Variants in PXDNL observed in about 807,000 individuals in gnomAD.
PXDNL encodes peroxidasin like, also known as probable oxidoreductase PXDNL.
A neutral mutation model predicts 150.8 loss-of-function variants in PXDNL; 145 were observed. The ratio of observed to expected loss-of-function variants is 0.96; its 90% CI spans 0.84 to 1.10. The LOEUF is 1.10. Ranked by LOEUF, PXDNL falls within the 50% of genes least tolerant of loss-of-function variation. The pLI, the probability that PXDNL is intolerant of heterozygous loss-of-function variation, is 0.00. For synonymous variants in PXDNL, 757 were observed against 725.7 expected (o/e 1.04, Z -0.69); for missense variants, 2,087 against 1,873.9 (o/e 1.11, Z -2.10).
At chr8:51,440,077 A>G (rs1468522001) in intron 12 of PXDNL, among the ~76,000 whole-genome samples, 1 of 151,952 alleles carries the variant, frequency 6.6e-6, no homozygotes, top group East Asian at 1.9e-4. Flanking sequence ...ACACACACAC[A>G]CCATGGAATA....
chr8:51,640,799 A>C (rs1378900499), intron 2 of PXDNL, among the ~76,000 whole-genome samples: 29 of 152,232 alleles, frequency 1.9e-4, no homozygotes, highest in African/African-American at 7.0e-4. Context: ...TTATAGATTC[A>C]ATGCCATCCC....
At chr8:51,787,646 A>G (rs2037472525) in intron 1 of PXDNL, among the ~76,000 whole-genome samples, 1 of 152,266 alleles carries the variant, frequency 6.6e-6, no homozygotes, top group African/African-American at 2.4e-5. Flanking sequence ...CAAAGAAAGT[A>G]GTTTCTTAAA....
chr8:51,762,579 T>C (rs561144977), intron 1 of PXDNL, among the ~76,000 whole-genome samples: 2 of 152,340 alleles, frequency 1.3e-5, no homozygotes, highest in African/African-American at 2.4e-5. Context: ...ACTCAACTAA[T>C]TGTCAACCAG....
intron 21 of PXDNL, among the ~76,000 whole-genome samples, chr8:51,331,076 C>T (rs964281046): frequency 4.6e-5 from 7 of 152,270 alleles, no homozygotes; most frequent in African/African-American, 1.4e-4. Flanking sequence ...CCAGCAATCC[C>T]GAGAGGATCC....
chr8:51,548,978 G>A (rs1468459131), intron 4 of PXDNL, among the ~76,000 whole-genome samples: 1 of 152,084 alleles, frequency 6.6e-6, no homozygotes, highest in Admixed American at 6.5e-5. Context: ...GCAAAGGGAT[G>A]GGAAAAGGGA....
At chr8:51,642,594 G>A (rs1437590552) in intron 2 of PXDNL, among the ~76,000 whole-genome samples, 1 of 152,104 alleles carries the variant, frequency 6.6e-6, no homozygotes, top group African/African-American at 2.4e-5. Context: ...CACACTGAAT[G>A]GGCAAAAACT....
chr8:51,674,377 C>T (rs2130834205), intron 1 of PXDNL, among the ~76,000 whole-genome samples: 1 of 152,262 alleles, frequency 6.6e-6, no homozygotes, highest in East Asian at 1.9e-4. Flanking sequence ...GAAATAATGG[C>T]AAATTGACTG....
chr8:51,809,250 T>A lies in PXDNL; in HGVS notation c.95A>T (p.Lys32Met), dbSNP rs2037709512. 1 of 1,611,722 alleles carries A rather than the reference T, an allele frequency of 6.2e-7. No individual in the cohort carries two copies. Among genetic ancestry groups the A allele is most frequent in the African/African-American group, 1.3e-5 (1 of 75,006 alleles). The change falls in exon 1 of 23, where the codon AAG becomes ATG. Residue 32 changes from lysine to methionine, a missense_variant. By Grantham distance (95) the Lys-to-Met change is moderately conservative (BLOSUM62 -1). Transcript: ENST00000356297. ...LPCPSRCLCF[K>M]STVRCMHLML... ...CAAGTGCATGCAGCGGACGGTGCTC[T>A]TAAAGCAAAGGCACCGGCTGGGGCA...
At chr8:51,477,323 A>G (rs1365206265) in intron 6 of PXDNL, among the ~76,000 whole-genome samples, 1 of 152,204 alleles carries the variant, frequency 6.6e-6, no homozygotes, top group Non-Finnish European at 1.5e-5. Context: ...CCATACACAT[A>G]TTATTTGCTT....
At chr8:51,598,747 G>C (rs1378506063) in intron 2 of PXDNL, among the ~76,000 whole-genome samples, 2 of 152,116 alleles carry the variant, frequency 1.3e-5, no homozygotes, top group Non-Finnish European at 2.9e-5. Flanking sequence ...GGTGATGCTG[G>C]CTTCAGAGAA....
chr8:51,681,266 C>T (rs181357278), intron 1 of PXDNL, among the ~76,000 whole-genome samples: 3 of 152,232 alleles, frequency 2.0e-5, no homozygotes, highest in Non-Finnish European at 4.4e-5. Context: ...CCACCAGTCA[C>T]CCTACGGAAG....
chr8:51,677,801 A>G (rs568509059), intron 1 of PXDNL, among the ~76,000 whole-genome samples: 2 of 152,354 alleles, frequency 1.3e-5, no homozygotes, highest in African/African-American at 4.8e-5. Context: ...AAGCACACTA[A>G]TTTATTTATC....
At chr8:51,470,677 G>C (rs1810307662) in intron 8 of PXDNL, among the ~76,000 whole-genome samples, 1 of 151,996 alleles carries the variant, frequency 6.6e-6, no homozygotes, top group Non-Finnish European at 1.5e-5. Context: ...CGGAAATAGT[G>C]CCATACATCT....
intron 4 of PXDNL, among the ~76,000 whole-genome samples, chr8:51,514,864 A>C (rs1010646496): frequency 1.3e-5 from 2 of 152,332 alleles, no homozygotes; most frequent in Admixed American, 1.3e-4. Context: ...ATTTGAGACA[A>C]GCCAATGTCC....
chr8:51,409,483 G>T lies in PXDNL; in HGVS notation c.2141C>A (p.Pro714His). The change falls in exon 17 of 23, where the codon CCT becomes CAT. Residue 714 changes from proline (P) to histidine (H), a missense_variant. Pro to His is a moderately conservative substitution (Grantham distance 77, BLOSUM62 -2). Transcript: ENST00000356297. Reference protein sequence around the residue: ...ANLSGCTARRPLPNCSNRCFH... With the variant: ...ANLSGCTARRHLPNCSNRCFH... ...ACACCGGTTGGAGCAGTTTGGCAGA[G>T]GCCTGCGAGCTGTGCATCCAGATAA... 1 of 1,612,528 alleles carries T rather than the reference G, an allele frequency of 6.2e-7. No homozygotes were observed. Among genetic ancestry groups the T allele is most frequent in the Non-Finnish European group, 8.5e-7 (1 of 1,179,652 alleles).
intron 4 of PXDNL, among the ~76,000 whole-genome samples, chr8:51,552,214 C>T (rs1357196309): frequency 2.0e-5 from 3 of 152,250 alleles, no homozygotes; most frequent in East Asian, 3.9e-4. Flanking sequence ...TAAAAAGGAA[C>T]ACTTTTACAA....
Position 51,735,527 on chromosome 8 carries a change from T to G in PXDNL, c.164+73654A>C, listed in dbSNP as rs1195758982. On this transcript the variant is annotated intron_variant, in intron 1 of 22. Transcript: ENST00000356297. ...AAATTAATTAATTAATTAAAAATTG[T>G]TTTTTTTTTTTTTTTTTTTTTTTTT... 6.3e-5 allele frequency among the ~76,000 whole-genome samples: 6 copies of G among 95,642 alleles called. No individual in the cohort carries two copies. In the African/African-American group the frequency reaches 6.5e-4, roughly 10 times the overall value. The allele number at this position is 95,642 out of a possible 152,430, so 62.7% of individuals were successfully genotyped here.
intron 18 of PXDNL, among the ~76,000 whole-genome samples, chr8:51,373,376 C>T (rs1807188796): frequency 6.6e-6 from 1 of 152,084 alleles, no homozygotes; most frequent in African/African-American, 2.4e-5. Flanking sequence ...GCTATCCAAG[C>T]TATGGGACTT....
chr8:51,347,370 G>T (rs910704772), intron 19 of PXDNL, among the ~76,000 whole-genome samples: 1 of 152,146 alleles, frequency 6.6e-6, no homozygotes, highest in African/African-American at 2.4e-5. Context: ...ATGCTATAAT[G>T]CTAGACAAAA....
Sources: gnomAD v4.1 joint callset for allele counts (sites outside exome capture counted in the v4.1 genomes callset) on GRCh38, gnomAD v4.1.1 for gene constraint, MANE v1.5 for transcripts, NCBI Gene and HGNC (gene_info 2026-07-23, HGNC 2026-07-21) for gene names.